The following PRDM16 variants were observed in gnomAD, a reference collection of about 807,000 sequenced individuals.
PRDM16 encodes the protein histone-lysine N-methyltransferase PRDM16.
In PRDM16, 23 loss-of-function variants were observed where a neutral mutation model predicts 110.6. The observed-to-expected ratio is 0.21, with a 90% confidence interval of 0.15 to 0.29. PRDM16 has a LOEUF of 0.29. Ranked by LOEUF, PRDM16 falls within the 10% of genes least tolerant of loss-of-function variation. The pLI, the probability that PRDM16 is intolerant of heterozygous loss-of-function variation, is 1.00. For synonymous variants in PRDM16, 799 were observed against 781.8 expected (o/e 1.02, Z -0.37); for missense variants, 1,615 against 1,794.3 (o/e 0.90, Z 1.81).
At chr1:3,253,582 C>A (rs1323439390) in intron 3 of PRDM16, among the ~76,000 whole-genome samples, 1 of 151,606 alleles carries the variant, frequency 6.6e-6, no homozygotes, top group Non-Finnish European at 1.5e-5. Context: ...TGTATATGTG[C>A]CACATTTTCT....
chr1:3,367,229 A>G (rs575121908), intron 3 of PRDM16, among the ~76,000 whole-genome samples: 2 of 152,150 alleles, frequency 1.3e-5, no homozygotes, highest in African/African-American at 4.8e-5. Flanking sequence ...AGATGGCACC[A>G]TTGCACTCCA....
At chr1:3,233,175 G>A (rs1639454952) in intron 2 of PRDM16, among the ~76,000 whole-genome samples, 2 of 152,350 alleles carry the variant, frequency 1.3e-5, no homozygotes, top group African/African-American at 2.4e-5. Flanking sequence ...CAGTGAGGGA[G>A]CCTCCAGCAG....
chr1:3,166,905 C>T (rs1643963857), intron 1 of PRDM16, among the ~76,000 whole-genome samples: 1 of 152,180 alleles, frequency 6.6e-6, no homozygotes, highest in Non-Finnish European at 1.5e-5. Context: ...GAAGCAGGTG[C>T]TGTTTTTCTC....
At chr1:3,114,449 G>A (rs1055254353) in intron 1 of PRDM16, among the ~76,000 whole-genome samples, 75 of 126,112 alleles carry the variant, frequency 5.9e-4, no homozygotes, top group Middle Eastern at 5.7e-3. Flanking sequence ...AGACGCACAC[G>A]CACACACACG....
chr1:3,168,996 G>A (rs1193536853), intron 1 of PRDM16, among the ~76,000 whole-genome samples: 3 of 152,172 alleles, frequency 2.0e-5, no homozygotes, highest in Admixed American at 6.5e-5. Context: ...ACATGGGGCT[G>A]TAACCTGTAG....
chr1:3,148,815 T>A lies in PRDM16; in HGVS notation c.38-37310T>A, dbSNP rs1178072223. 6.6e-6 allele frequency among the ~76,000 whole-genome samples: 1 copy of A among 152,228 alleles called. No individual in the cohort carries two copies. Among genetic ancestry groups the A allele is most frequent in the Non-Finnish European group, 1.5e-5 (1 of 68,048 alleles). On this transcript the variant is annotated intron_variant, in intron 1 of 16. Transcript: ENST00000270722. The surrounding 1 kb of genome is among the most constrained non-coding windows in gnomAD (Gnocchi z 5.0). ...CACTTTACTTAGCACATGTTGAAAG[T>A]CCTTCTAGAAAGCCAGGATGTTTGT...
intron 1 of PRDM16, among the ~76,000 whole-genome samples, chr1:3,086,048 T>C (rs981423079): frequency 3.3e-5 from 5 of 152,210 alleles, no homozygotes; most frequent in Non-Finnish European, 5.9e-5. Context: ...TCAGAATGCG[T>C]ACACAGCTGC....
At chr1:3,182,201 C>T (rs577197559) in intron 1 of PRDM16, among the ~76,000 whole-genome samples, 4 of 152,342 alleles carry the variant, frequency 2.6e-5, no homozygotes, top group South Asian at 2.1e-4. Flanking sequence ...ATACCGACTC[C>T]GAAAAACCCC....
chr1:3,423,528 G>A (rs948962120), intron 12 of PRDM16, among the ~76,000 whole-genome samples: 1 of 152,174 alleles, frequency 6.6e-6, no homozygotes, highest in African/African-American at 2.4e-5. Context: ...CTCCCGGTCT[G>A]GGAGGCCAGG....
Position 3,069,203 on chromosome 1 carries a change from A to C in PRDM16, c.-57A>C. On this transcript the variant is annotated 5_prime_UTR_variant, in exon 1 of 17. Coordinates refer to ENST00000270722, the MANE Select transcript of PRDM16 (RefSeq NM_022114.4). The surrounding 1 kb of genome is among the most constrained non-coding windows in gnomAD (Gnocchi z 6.1). ...CTGACAATGCTGGGGAGATGAAGAT[A>C]GTGTGTGGCTGCTTCTGGACTCAAG... 2 of 1,490,610 alleles carry C rather than the reference A, an allele frequency of 1.3e-6. No homozygotes were observed. Among genetic ancestry groups the C allele is most frequent in the Admixed American group, 1.8e-5 (1 of 56,038 alleles). The allele number at this position is 1,490,610 out of a possible 1,614,324, so 92.3% of individuals were successfully genotyped here.
chr1:3,417,966 C>T lies in PRDM16; in HGVS notation c.2830C>T (p.Leu944Phe). ...SPPPTLSDPI[L>F]RKGKERYTCR... is the part of the protein sequence containing the mutation. ...ACCCCCAACGCTCTCCGACCCCATC[C>T]TCAGGAAGGGCAAGGAGCGATACAC... Residue 944 changes from leucine to phenylalanine, a missense_variant, in exon 11 of 17, where the codon CTC becomes TTC. Around this residue, in one of 5 missense-constraint regions of PRDM16, gnomAD observed 772 missense variants for 748.3 expected, o/e 1.03. Coordinates refer to ENST00000270722, the MANE Select transcript of PRDM16 (RefSeq NM_022114.4). The T allele has an allele frequency of 6.2e-7, 1 of 1,613,098 alleles. No individual in the cohort carries two copies. The highest frequency in any genetic ancestry group is 8.5e-7 in the Non-Finnish European group (1 of 1,179,846).
At chr1:3,074,570 C>T (rs576297627) in intron 1 of PRDM16, among the ~76,000 whole-genome samples, 36 of 151,226 alleles carry the variant, frequency 2.4e-4, no homozygotes, top group African/African-American at 7.6e-4. Flanking sequence ...GCTGGACTCC[C>T]GCTGGGCTCC....
chr1:3,364,258 C>T (rs1452518733), intron 3 of PRDM16, among the ~76,000 whole-genome samples: 3 of 152,118 alleles, frequency 2.0e-5, no homozygotes, highest in African/African-American at 7.2e-5. Flanking sequence ...TTTCCTTCGG[C>T]GTGAGGTCCT....
intron 1 of PRDM16, among the ~76,000 whole-genome samples, chr1:3,091,019 T>C (rs1488933420): frequency 6.6e-6 from 1 of 152,188 alleles, no homozygotes; most frequent in African/African-American, 2.4e-5. Flanking sequence ...TCCCCGCAAG[T>C]CTGCCCGGAG....
chr1:3,364,402 A>G (rs568652312), intron 3 of PRDM16, among the ~76,000 whole-genome samples: 271 of 152,288 alleles, frequency 1.8e-3, no homozygotes, highest in African/African-American at 6.1e-3. Context: ...AGTGCCCGAC[A>G]AGGAGCCACA....
chr1:3,167,546 C>T (rs969503712), intron 1 of PRDM16, among the ~76,000 whole-genome samples: 16 of 152,008 alleles, frequency 1.1e-4, no homozygotes, highest in East Asian at 9.7e-4. Context: ...CTCCTCCCAG[C>T]GCCTCTGTGG....
chr1:3,069,343 G>GC lies in PRDM16; in HGVS notation c.37+49dup. The GC allele has an allele frequency of 1.0e-6, 1 of 983,626 alleles. No homozygotes were observed. Among genetic ancestry groups the GC allele is most frequent in the Non-Finnish European group, 1.2e-6 (1 of 815,754 alleles). 60.9% of individuals were successfully genotyped at this position (983,626 alleles called of 1,614,324 possible). ...GCGCCGCGCCGCCGGGGCCCGGGCC[G>GC]CCGGGCCGGGGCGCCCGGGCCAGGG... On this transcript the variant is annotated intron_variant, in intron 1 of 16. Transcript: ENST00000270722. The surrounding 1 kb of genome is among the most constrained non-coding windows in gnomAD (Gnocchi z 6.1).
At chr1:3,232,546 G>A (rs1639440287) in intron 2 of PRDM16, among the ~76,000 whole-genome samples, 1 of 152,168 alleles carries the variant, frequency 6.6e-6, no homozygotes, top group Admixed American at 6.5e-5. Context: ...CAAGTTTGCG[G>A]AACTCAGAAA....
At chr1:3,321,633 A>G (rs1447484831) in intron 3 of PRDM16, among the ~76,000 whole-genome samples, 2 of 145,182 alleles carry the variant, frequency 1.4e-5, no homozygotes, top group Admixed American at 1.4e-4. Context: ...ACATATGTGT[A>G]TGTATGTGTG....
Sources: allele counts gnomAD v4.1 joint callset (sites outside exome capture counted in the v4.1 genomes callset), GRCh38; gene constraint gnomAD v4.1.1; regional missense constraint gnomAD v4.1.1; non-coding constraint Gnocchi (gnomAD v3.1); transcripts MANE v1.5; gene names NCBI Gene and HGNC (gene_info 2026-07-23, HGNC 2026-07-21).